Variants in ATXN1 observed in about 807,000 individuals in gnomAD.
ATXN1 encodes ataxin-1.
Under a neutral mutation model 56.4 loss-of-function variants are expected in ATXN1, and 8 were observed. The observed-to-expected ratio is 0.14, with a 90% CI of 0.08 to 0.26. ATXN1 has a LOEUF of 0.26. ATXN1 is among the 10% of genes least tolerant of loss of function. ATXN1 has a pLI of 1.00. For missense variants in ATXN1, 987 were observed against 1,106.5 expected (o/e 0.89, Z 1.53); for synonymous variants, 514 against 494.6 (o/e 1.04, Z -0.52).
chr6:16,529,534 G>A (rs765961113), intron 4 of ATXN1, among the ~76,000 whole-genome samples: 3 of 152,114 alleles, frequency 2.0e-5, no homozygotes, highest in Non-Finnish European at 4.4e-5. Context: ...TGACCTAAGC[G>A]CAATGTTAAT....
rs543171979 is a variant in ATXN1, at chr6:16,343,272, G to A, written c.-160-14802C>T. Among the ~76,000 whole-genome samples the A allele has an allele frequency of 4.6e-5, 7 of 152,296 alleles. 1 individual carries two copies. In the East Asian group the frequency reaches 1.4e-3, roughly 29 times the overall value. ...AGACAGGAGAATGGCGTGAACCTGG[G>A]AGGCAGGCTTGCAGTGAGCTGAGAT... On this transcript the variant is annotated intron_variant, in intron 6 of 7. Transcript: ENST00000436367.
chr6:16,684,974 G>A (rs1581363443), intron 2 of ATXN1, among the ~76,000 whole-genome samples: 2 of 151,612 alleles, frequency 1.3e-5, no homozygotes. Context: ...TTAGGACAAC[G>A]AAAGAAATGG....
rs1761063957 is a variant in ATXN1, at chr6:16,760,747, C to G, written c.-730+551G>C. 6.6e-6 allele frequency among the ~76,000 whole-genome samples: 1 copy of G among 151,392 alleles called. No individual in the cohort carries two copies. The highest frequency in any genetic ancestry group is 1.5e-5 in the Non-Finnish European group (1 of 67,742). On this transcript the variant is annotated intron_variant, in intron 1 of 7. Coordinates refer to ENST00000436367, the MANE Select transcript of ATXN1 (RefSeq NM_001128164.2). This position sits in a 1 kb window ranked among gnomAD's most constrained non-coding sequence, Gnocchi z 5.3. Reference sequence around the variant, plus strand: ...CAGCCCTCCGTGAGACCCCCTCTCTCTCACCGCCCTCTCCGGGGAGGAGGA... The same window carrying G: ...CAGCCCTCCGTGAGACCCCCTCTCTGTCACCGCCCTCTCCGGGGAGGAGGA...
rs181144285 is a variant in ATXN1 at position 16,421,647 on chromosome 6, C to T, written c.-161+64325G>A. 1.4e-3 allele frequency among the ~76,000 whole-genome samples: 16 copies of T among 11,124 alleles called. 1 individual carries two copies. The highest frequency in any genetic ancestry group is 5.2e-3 in the East Asian group (1 of 192). The allele number at this position is 11,124 out of a possible 152,430, so 7.3% of individuals were successfully genotyped here. ...AGACAAGCAGGTGCAGAGTTTCACA[C>T]GGGAGGGTGGGGGGGGCGTGAGTGT... On this transcript the variant is annotated intron_variant, in intron 6 of 7. Coordinates refer to ENST00000436367, the MANE Select transcript of ATXN1 (RefSeq NM_001128164.2).
chr6:16,443,890 GC>G (rs771549850), intron 6 of ATXN1, among the ~76,000 whole-genome samples: 17 of 152,114 alleles, frequency 1.1e-4, no homozygotes, highest in Non-Finnish European at 2.4e-4. Context: ...GCCAAGGAGG[GC>G]CGATCACAAG....
At chr6:16,643,068 G>A (rs889306226) in intron 3 of ATXN1, among the ~76,000 whole-genome samples, 4 of 151,936 alleles carry the variant, frequency 2.6e-5, no homozygotes, top group Middle Eastern at 3.4e-3. Flanking sequence ...TCAGGAGTTC[G>A]AGACCAGCCT....
chr6:16,753,098 A>T, intron 2 of ATXN1, 135 bp downstream of exon 2: 1 of 370,132 alleles, frequency 2.7e-6, no homozygotes, highest in Non-Finnish European at 5.4e-6. Flanking sequence ...AACTTCCCAC[A>T]CTATGCCCAA....
intron 6 of ATXN1, among the ~76,000 whole-genome samples, chr6:16,482,001 ATAGGTC>A (rs1421455017): frequency 1.3e-5 from 2 of 151,168 alleles, no homozygotes; most frequent in African/African-American, 4.9e-5. Context: ...AACTCTACTG[ATAGGTC>A]TAGAATTTTT....
chr6:16,654,145 A>G (rs1432537279), intron 3 of ATXN1, among the ~76,000 whole-genome samples: 2 of 152,210 alleles, frequency 1.3e-5, no homozygotes, highest in Non-Finnish European at 2.9e-5. Context: ...CCTTGAAGCC[A>G]TGTGCAACCC....
chr6:16,443,211 A>G, intron 6 of ATXN1, among the ~76,000 whole-genome samples: 1 of 77,780 alleles, frequency 1.3e-5, no homozygotes, highest in Non-Finnish European at 3.1e-5. Context: ...ATTGGAGCAA[A>G]AAAAAAAAAA....
chr6:16,397,490 C>T (rs548808454), intron 6 of ATXN1, among the ~76,000 whole-genome samples: 2 of 152,294 alleles, frequency 1.3e-5, no homozygotes, highest in South Asian at 4.2e-4. Flanking sequence ...TCTCAAACTC[C>T]TGACCTCAGG....
intron 6 of ATXN1, among the ~76,000 whole-genome samples, chr6:16,329,173 C>T (rs1305516284): frequency 6.6e-6 from 1 of 152,028 alleles, no homozygotes; most frequent in African/African-American, 2.4e-5. Context: ...TTCCATTTCT[C>T]ACCTCTCCTT....
At chr6:16,669,238 T>C (rs1272686218) in intron 2 of ATXN1, among the ~76,000 whole-genome samples, 7 of 152,236 alleles carry the variant, frequency 4.6e-5, no homozygotes, top group African/African-American at 1.4e-4. Flanking sequence ...CTCTAATGCT[T>C]ATTCCTAATG....
At chr6:16,643,944 G>A (rs1763754990) in intron 3 of ATXN1, among the ~76,000 whole-genome samples, 1 of 152,050 alleles carries the variant, frequency 6.6e-6, no homozygotes, top group South Asian at 2.1e-4. Flanking sequence ...CAAATACTTT[G>A]GAAAAGAACA....
intron 6 of ATXN1, among the ~76,000 whole-genome samples, chr6:16,382,777 T>C (rs1213700507): frequency 1.3e-5 from 2 of 151,390 alleles, no homozygotes; most frequent in Non-Finnish European, 2.9e-5. Flanking sequence ...AGGAGAAAAA[T>C]TGTCTTGGGC....
chr6:16,560,390 T>C (rs1581844771), intron 4 of ATXN1, among the ~76,000 whole-genome samples: 1 of 151,958 alleles, frequency 6.6e-6, no homozygotes, highest in Non-Finnish European at 1.5e-5. Context: ...GATCACACCA[T>C]TGCACTCCAG....
chr6:16,345,322 T>C (rs1761353279), intron 6 of ATXN1, among the ~76,000 whole-genome samples: 1 of 152,200 alleles, frequency 6.6e-6, no homozygotes, highest in African/African-American at 2.4e-5. Flanking sequence ...ACTTGCTATA[T>C]GGGAAGGCCT....
intron 5 of ATXN1, among the ~76,000 whole-genome samples, chr6:16,500,059 T>G (rs1363159648): frequency 5.3e-5 from 8 of 152,248 alleles, no homozygotes; most frequent in Non-Finnish European, 1.0e-4. Flanking sequence ...CATCAGAGGT[T>G]GCCACCTACT....
At chr6:16,459,210 T>A (rs1049898727) in intron 6 of ATXN1, among the ~76,000 whole-genome samples, 6 of 152,198 alleles carry the variant, frequency 3.9e-5, no homozygotes, top group African/African-American at 1.4e-4. Flanking sequence ...GGGAACAAGT[T>A]ACCCATTTGT....
Sources: allele counts gnomAD v4.1 joint callset (sites outside exome capture counted in the v4.1 genomes callset), GRCh38; gene constraint gnomAD v4.1.1; non-coding constraint Gnocchi (gnomAD v3.1); transcripts MANE v1.5; gene names NCBI Gene and HGNC (gene_info 2026-07-23, HGNC 2026-07-21).